Variants in BACE2 observed in about 807,000 individuals in gnomAD.
The protein encoded by BACE2 is 56 kDa aspartic-like protease.
BACE2 carries 17 observed loss-of-function variants against 46.2 expected under a neutral mutation model. The observed-to-expected ratio is 0.37, with a 90% confidence interval of 0.25 to 0.55. BACE2 has a LOEUF of 0.55. Among genes scored for constraint, BACE2 ranks in the 20% least tolerant of loss-of-function variants. BACE2 has a pLI of 0.82. For synonymous variants in BACE2, 277 were observed against 295.9 expected (o/e 0.94, Z 0.66); for missense variants, 595 against 698.1 (o/e 0.85, Z 1.66).
intron 1 of BACE2, among the ~76,000 whole-genome samples, chr21:41,185,410 A>T (rs1198362536): frequency 6.6e-6 from 1 of 152,156 alleles, no homozygotes; most frequent in African/African-American, 2.4e-5. Context: ...TGAAAAAAAT[A>T]TTGGGCTGGC....
In BACE2 at chr21:41,241,501, G is replaced by C. The variant is rs906578615; in HGVS notation, c.619-318G>C. Among the ~76,000 whole-genome samples the C allele has an allele frequency of 2.0e-5, 3 of 152,074 alleles. 1 individual carries two copies. The highest frequency in any genetic ancestry group is 4.2e-4 in the South Asian group (2 of 4,812). ...AAGATTAGGATCCACCACCTGCCAC[G>C]GTAACCTACTTCCACGGCTTCTCAC... On this transcript the variant is annotated intron_variant, in intron 3 of 8. Coordinates refer to ENST00000330333, the MANE Select transcript of BACE2 (RefSeq NM_012105.5).
rs1413769087 is a variant in BACE2 at position 41,168,365 on chromosome 21, G to A, written c.102G>A (p.Arg34=). 7.2e-7 allele frequency: 1 copy of A among 1,393,890 alleles called. No individual in the cohort carries two copies. The highest frequency in any genetic ancestry group is 9.3e-7 in the Non-Finnish European group (1 of 1,070,272). 86.3% of individuals were successfully genotyped at this position (1,393,890 alleles called of 1,614,324 possible). A position where few individuals can be genotyped will look rare whatever the true frequency, so the allele number is the denominator to read the frequency against. ...LAPAPFTLPL[R]VAAATNRVVA... ...CCGCGCCCTTCACGCTGCCCCTCCGGGTGGCCGCGGCCACGAACCGCGTAG... is the reference window on the plus strand; with the variant it reads ...CCGCGCCCTTCACGCTGCCCCTCCGAGTGGCCGCGGCCACGAACCGCGTAG... The change falls in exon 1 of 9, where the codon CGG becomes CGA. Residue 34 remains arginine (R), a synonymous_variant. Coordinates refer to ENST00000330333, the MANE Select transcript of BACE2 (RefSeq NM_012105.5).
At chr21:41,223,151 C>T (rs973241145) in intron 1 of BACE2, among the ~76,000 whole-genome samples, 3 of 151,910 alleles carry the variant, frequency 2.0e-5, no homozygotes, top group Non-Finnish European at 2.9e-5. Context: ...CCCGGGAGTT[C>T]AAGACCAGCC....
chr21:41,269,048 G>A (rs1270917941), intron 8 of BACE2, among the ~76,000 whole-genome samples: 2 of 151,730 alleles, frequency 1.3e-5, no homozygotes, highest in East Asian at 1.9e-4. Context: ...TCTGCCTCCC[G>A]GGTTCAAGGG....
chr21:41,251,064 C>T (rs765884672), intron 7 of BACE2, among the ~76,000 whole-genome samples, 163 bp downstream of exon 7: 8 of 152,202 alleles, frequency 5.3e-5, no homozygotes, highest in African/African-American at 1.4e-4. Flanking sequence ...CCAGGCAGGG[C>T]GGTGTCCCTT....
intron 1 of BACE2, among the ~76,000 whole-genome samples, chr21:41,185,542 A>G (rs751069861): frequency 6.6e-6 from 1 of 152,272 alleles, no homozygotes; most frequent in Non-Finnish European, 1.5e-5. Flanking sequence ...GGAGCTTGCA[A>G]TTGGCTATTA....
At chr21:41,209,209 C>T (rs990781599) in intron 1 of BACE2, among the ~76,000 whole-genome samples, 3 of 152,246 alleles carry the variant, frequency 2.0e-5, no homozygotes, top group African/African-American at 7.2e-5. Flanking sequence ...GCCCCTGTGA[C>T]TGCAGGTGCC....
chr21:41,190,502 A>G (rs774902366), intron 1 of BACE2, among the ~76,000 whole-genome samples: 1 of 152,244 alleles, frequency 6.6e-6, no homozygotes, highest in Non-Finnish European at 1.5e-5. Context: ...AATACTCATG[A>G]CAATTACAGT....
chr21:41,252,957 C>A (rs1183724983), intron 7 of BACE2, among the ~76,000 whole-genome samples: 1 of 152,192 alleles, frequency 6.6e-6, no homozygotes, highest in African/African-American at 2.4e-5. Flanking sequence ...ACACGCTCAG[C>A]ACTGCCCTTC....
At chr21:41,198,686 C>T (rs1051208693) in intron 1 of BACE2, among the ~76,000 whole-genome samples, 1 of 152,116 alleles carries the variant, frequency 6.6e-6, no homozygotes, top group East Asian at 1.9e-4. Context: ...CACACCCACT[C>T]GAGTTTCAGC....
chr21:41,186,071 TA>T (rs1263604927), intron 1 of BACE2: 1 of 152,360 alleles, frequency 6.6e-6, no homozygotes, highest in Non-Finnish European at 1.5e-5. Context: ...TCAAGGCACC[TA>T]AACCGTGGGG....
rs182753759 is a variant in BACE2 at position 41,281,601 on chromosome 21, A to C, written c.*5977A>C. The C allele has an allele frequency of 3.8e-3, 582 of 152,334 alleles. 3 individuals are homozygous for C. Among genetic ancestry groups the C allele is most frequent in the African/African-American group, 0.013 (558 of 41,568 alleles). The allele number at this position is 152,334 out of a possible 1,614,324, so 9.4% of individuals were successfully genotyped here. ...TGCTACATTGTGCCTATTAAAGTAA[A>C]ATTTTACACAAGCCTCGCATTTCTA... On this transcript the variant is annotated 3_prime_UTR_variant, in exon 9 of 9. Transcript: ENST00000330333.
intron 1 of BACE2, among the ~76,000 whole-genome samples, chr21:41,218,597 A>G (rs1002418602): frequency 5.9e-5 from 9 of 152,198 alleles, no homozygotes; most frequent in African/African-American, 7.2e-5. Flanking sequence ...TCTTGAAAAT[A>G]TATAAACAAC....
intron 1 of BACE2, among the ~76,000 whole-genome samples, chr21:41,220,353 A>G (rs1427857344): frequency 6.6e-6 from 1 of 152,142 alleles, no homozygotes; most frequent in Non-Finnish European, 1.5e-5. Flanking sequence ...CTTAACCTTC[A>G]GCTCCTCCCC....
intron 1 of BACE2, among the ~76,000 whole-genome samples, chr21:41,173,959 G>A (rs1304486301): frequency 6.6e-6 from 1 of 151,622 alleles, no homozygotes; most frequent in East Asian, 1.9e-4. Context: ...TATCAATCAG[G>A]ATATATTTAA....
At chr21:41,216,006 T>A (rs912543307) in intron 1 of BACE2, among the ~76,000 whole-genome samples, 2 of 152,196 alleles carry the variant, frequency 1.3e-5, no homozygotes, top group Non-Finnish European at 1.5e-5. Flanking sequence ...ATTGCTAGCA[T>A]GTGGCATGAG....
chr21:41,178,888 G>T, intron 1 of BACE2: 1 of 290,508 alleles, frequency 3.4e-6, no homozygotes, highest in Non-Finnish European at 6.6e-6. Context: ...TTAGAGGAGT[G>T]CTGTGAGACA....
chr21:41,179,796 T>A, intron 1 of BACE2: 1 of 536,812 alleles, frequency 1.9e-6, no homozygotes, highest in Non-Finnish European at 3.2e-6. Context: ...TTGTGTGTTT[T>A]ATTCAACAGT....
intron 3 of BACE2, among the ~76,000 whole-genome samples, chr21:41,238,339 T>G (rs1987185198): frequency 6.6e-6 from 1 of 152,130 alleles, no homozygotes; most frequent in African/African-American, 2.4e-5. Flanking sequence ...AAGACAGAAT[T>G]GGATGTTCAC....
Sources: gnomAD v4.1 joint callset for allele counts (sites outside exome capture counted in the v4.1 genomes callset) on GRCh38, gnomAD v4.1.1 for gene constraint, MANE v1.5 for transcripts, NCBI Gene and HGNC (gene_info 2026-07-23, HGNC 2026-07-21) for gene names.